NAALADL2: variants seen among roughly 807,000 people sequenced by gnomAD.
NAALADL2 encodes N-acetylated alpha-linked acidic dipeptidase like 2, also known as inactive N-acetylated-alpha-linked acidic dipeptidase-like protein 2.
NAALADL2 carries 76 observed loss-of-function variants against 87.2 expected under a neutral mutation model. The ratio of observed to expected loss-of-function variants is 0.87; its 90% CI spans 0.72 to 1.05. The LOEUF (loss-of-function observed/expected upper bound fraction) is 1.05. Among genes scored for constraint, NAALADL2 ranks in the 50% least tolerant of loss-of-function variants. The pLI is 0.00. For missense variants in NAALADL2, 1,089 were observed against 945.8 expected, an observed-to-expected ratio of 1.15 and a Z score of -1.99; for synonymous variants, 354 against 331.0, an observed-to-expected ratio of 1.07 and a Z score of -0.75.
intron 2 of NAALADL2, among the ~76,000 whole-genome samples, chr3:174,718,535 A>G (rs1233071771): frequency 1.3e-5 from 2 of 152,158 alleles, no homozygotes. Flanking sequence ...AGGATGAGAA[A>G]CCATCTTCCA....
chr3:175,671,946 C>T (rs1734070441), intron 11 of NAALADL2, among the ~76,000 whole-genome samples: 1 of 151,990 alleles, frequency 6.6e-6, no homozygotes, highest in African/African-American at 2.4e-5. Context: ...AAAATTTGTT[C>T]TAATACAATT....
At chr3:175,086,160 A>T (rs1354304265) in intron 1 of NAALADL2, among the ~76,000 whole-genome samples, 1 of 152,212 alleles carries the variant, frequency 6.6e-6, no homozygotes, top group Non-Finnish European at 1.5e-5. Flanking sequence ...TGATAGAGGA[A>T]AACATAGTCT....
At position 175,651,301 on chromosome 3, in the gene NAALADL2, G is replaced by A. The variant is rs536422586; in HGVS notation, c.1896+23915G>A. 4.6e-5 allele frequency among the ~76,000 whole-genome samples: 7 copies of A among 152,158 alleles called. No homozygotes were observed. In the East Asian group the frequency reaches 1.4e-3, roughly 29 times the overall value. The stretch of plus-strand genomic sequence containing the variant: ...AGCACATCAAAATAACTTTTCAAGG[G>A]TATTATAAGAAGGCAGATCATGTCA... On this transcript the variant is annotated intron_variant, in intron 11 of 13. Transcript: ENST00000454872.
At chr3:175,703,736 C>T (rs986957704) in intron 11 of NAALADL2, among the ~76,000 whole-genome samples, 2 of 152,048 alleles carry the variant, frequency 1.3e-5, no homozygotes, top group Non-Finnish European at 2.9e-5. Context: ...GAGCGAGACT[C>T]CATCTCAAAA....
chr3:175,760,922 A>G (rs1372806797), intron 13 of NAALADL2, among the ~76,000 whole-genome samples: 2 of 152,192 alleles, frequency 1.3e-5, no homozygotes, highest in African/African-American at 2.4e-5. Context: ...TTGAGCAGAA[A>G]GTACGGAATT....
At chr3:175,429,616 C>T (rs1439579832) in intron 5 of NAALADL2, among the ~76,000 whole-genome samples, 1 of 151,890 alleles carries the variant, frequency 6.6e-6, no homozygotes, top group Non-Finnish European at 1.5e-5. Context: ...TCCATTTTTC[C>T]ATAGCAGCCT....
chr3:174,951,120 C>A (rs1302196017), intron 1 of NAALADL2, among the ~76,000 whole-genome samples: 1 of 151,848 alleles, frequency 6.6e-6, no homozygotes, highest in Admixed American at 6.6e-5. Context: ...CAAATTACAT[C>A]ATTTCCTGCA....
intron 1 of NAALADL2, among the ~76,000 whole-genome samples, chr3:174,966,101 C>G (rs908183815): frequency 5.9e-5 from 9 of 152,008 alleles, no homozygotes; most frequent in Admixed American, 5.2e-4. Context: ...TACCATGTAC[C>G]TGAATTATTA....
At chr3:175,330,057 A>C (rs1311045249) in intron 5 of NAALADL2, among the ~76,000 whole-genome samples, 1 of 152,112 alleles carries the variant, frequency 6.6e-6, no homozygotes, top group Non-Finnish European at 1.5e-5. Context: ...CTCTACTTTA[A>C]ATTAAATGTG....
chr3:174,841,278 T>C (rs2293205), intron 3 of NAALADL2, among the ~76,000 whole-genome samples: 25,012 of 152,144 alleles, frequency 0.16, 2,469 homozygotes, highest in African/African-American at 0.27. Context: ...TTATTCTGGA[T>C]ATGTTCATGT....
chr3:175,210,302 A>G (rs1363716305), intron 2 of NAALADL2, among the ~76,000 whole-genome samples: 1 of 151,854 alleles, frequency 6.6e-6, no homozygotes, highest in Non-Finnish European at 1.5e-5. Context: ...TAGTTAAGAT[A>G]ATATGGTAAG....
In NAALADL2 at chr3:174,562,370, A is replaced by G. The variant is rs1171142973; in HGVS notation, c.-115+11733A>G. 3.9e-5 allele frequency among the ~76,000 whole-genome samples: 6 copies of G among 152,136 alleles called. No individual in the cohort carries two copies. In the East Asian group the frequency reaches 1.2e-3, roughly 29 times the overall value. On this transcript the variant is annotated intron_variant, in intron 2 of 3. Coordinates refer to the NAALADL2 transcript ENST00000434257. ...TTAAAGGTGTGCTATTGATATGGTA[A>G]TATTTTTAGATCACTTAAAGAGATT...
intron 13 of NAALADL2, among the ~76,000 whole-genome samples, chr3:175,796,912 A>G (rs1489046195): frequency 5.3e-5 from 8 of 151,964 alleles, no homozygotes; most frequent in Non-Finnish European, 1.0e-4. Context: ...TGACTTATGA[A>G]GATTTTAGTT....
At position 175,258,047 on chromosome 3, in the gene NAALADL2, A is replaced by G. The variant is rs369671072; in HGVS notation, c.939+1517A>G. Among the ~76,000 whole-genome samples the G allele has an allele frequency of 9.9e-4, 150 of 152,192 alleles. 1 individual carries two copies. The South Asian group carries it at 0.02, about 20-fold the overall frequency. ...GATGGGGCCAGGCGCGGTGTCTCAC[A>G]CCTGTAATCCCAGCACTTCTGGAGG... On this transcript the variant is annotated intron_variant, in intron 4 of 13. Transcript: ENST00000454872.
At chr3:174,669,268 T>A (rs1578487301) in intron 2 of NAALADL2, among the ~76,000 whole-genome samples, 1 of 152,200 alleles carries the variant, frequency 6.6e-6, no homozygotes, top group East Asian at 1.9e-4. Flanking sequence ...GATGGGGTTT[T>A]TTTTTCTTGT....
chr3:174,456,165 A>G (rs969116326), intron 1 of NAALADL2, among the ~76,000 whole-genome samples: 6 of 152,132 alleles, frequency 3.9e-5, no homozygotes, highest in Non-Finnish European at 8.8e-5. Flanking sequence ...GAGGTGAAAG[A>G]TCTCTGTAAT....
chr3:175,008,413 C>T (rs1749327986), intron 1 of NAALADL2, among the ~76,000 whole-genome samples: 1 of 152,066 alleles, frequency 6.6e-6, no homozygotes, highest in African/African-American at 2.4e-5. Flanking sequence ...AAATTGATTT[C>T]TGGAGTTTTC....
At chr3:174,912,637 A>C (rs1733854299) in intron 1 of NAALADL2, among the ~76,000 whole-genome samples, 1 of 152,178 alleles carries the variant, frequency 6.6e-6, no homozygotes, top group Non-Finnish European at 1.5e-5. Flanking sequence ...TAATTTATGC[A>C]ACTTAATGGC....
At chr3:174,659,788 G>A (rs1374038026) in intron 2 of NAALADL2, among the ~76,000 whole-genome samples, 3 of 152,130 alleles carry the variant, frequency 2.0e-5, no homozygotes, top group African/African-American at 7.2e-5. Flanking sequence ...CTGTCATGTG[G>A]TCGTTTTTTA....
Sources: allele counts gnomAD v4.1 joint callset (sites outside exome capture counted in the v4.1 genomes callset), GRCh38; gene constraint gnomAD v4.1.1; transcripts MANE v1.5; gene names NCBI Gene and HGNC (gene_info 2026-07-23, HGNC 2026-07-21).